The following FIP1L1 variants were observed in gnomAD, a reference collection of about 807,000 sequenced individuals.
FIP1L1 encodes the protein pre-mRNA 3'-end-processing factor FIP1.
In FIP1L1, 21 loss-of-function variants were observed where a neutral mutation model predicts 84.6. That is an observed-to-expected ratio of 0.25 (90% CI 0.18 to 0.36). FIP1L1 has a LOEUF of 0.36. Among genes scored for constraint, FIP1L1 ranks in the 10% least tolerant of loss-of-function variants. The pLI, the probability that FIP1L1 is intolerant of heterozygous loss-of-function variation, is 1.00. For synonymous variants in FIP1L1, 263 were observed against 242.3 expected (o/e 1.09, Z -0.80); for missense variants, 526 against 751.1 (o/e 0.70, Z 3.50).
intron 16 of FIP1L1, among the ~76,000 whole-genome samples, chr4:53,454,173 C>G (rs895023080): frequency 6.6e-6 from 1 of 152,194 alleles, no homozygotes; most frequent in African/African-American, 2.4e-5. Context: ...ACAGTGGTCT[C>G]ATAAGATTAC....
intron 5 of FIP1L1, among the ~76,000 whole-genome samples, chr4:53,385,405 C>T (rs1740413106): frequency 6.6e-6 from 1 of 151,970 alleles, no homozygotes; most frequent in Non-Finnish European, 1.5e-5. Flanking sequence ...TTTCTTATAG[C>T]AATTTTCAGT....
At chr4:53,414,007 G>A (rs908909830) in intron 10 of FIP1L1, among the ~76,000 whole-genome samples, 2 of 152,184 alleles carry the variant, frequency 1.3e-5, no homozygotes, top group East Asian at 1.9e-4. Flanking sequence ...CTTTGAAAGA[G>A]CATCTTATTA....
At chr4:53,398,436 A>G (rs1748554186) in intron 9 of FIP1L1, among the ~76,000 whole-genome samples, 1 of 152,222 alleles carries the variant, frequency 6.6e-6, no homozygotes, top group Non-Finnish European at 1.5e-5. Context: ...GCTCAAGTGT[A>G]AAAGAGTTTC....
At chr4:53,421,173 G>A (rs933486972) in intron 11 of FIP1L1, among the ~76,000 whole-genome samples, 3 of 152,164 alleles carry the variant, frequency 2.0e-5, no homozygotes, top group African/African-American at 7.2e-5. Flanking sequence ...CTACGGTTTT[G>A]AAGTAAAATG....
At chr4:53,420,137 G>A (rs1262021817) in intron 11 of FIP1L1, among the ~76,000 whole-genome samples, 4 of 134,154 alleles carry the variant, frequency 3.0e-5, no homozygotes, top group Non-Finnish European at 6.2e-5. Context: ...GGCGGAGCTT[G>A]CAGTGAGCTG....
At chr4:53,451,575 CTT>C (rs11371161) in intron 15 of FIP1L1, among the ~76,000 whole-genome samples, 4 of 139,480 alleles carry the variant, frequency 2.9e-5, no homozygotes, top group Admixed American at 7.1e-5. Flanking sequence ...TATACATTTT[CTT>C]TTTTTTTTTT....
chr4:53,382,892 C>T (rs1011280404), intron 4 of FIP1L1, among the ~76,000 whole-genome samples: 1 of 152,132 alleles, frequency 6.6e-6, no homozygotes. Context: ...CACAAAATAG[C>T]CTTTAAGAGC....
At chr4:53,393,767 C>G (rs1745670968) in intron 9 of FIP1L1, among the ~76,000 whole-genome samples, 1 of 2,044 alleles carries the variant, frequency 4.9e-4, no homozygotes. Flanking sequence ...CCCCCCGGCC[C>G]CCCCCCCCCC....
At chr4:53,388,179 G>A (rs538110790) in intron 5 of FIP1L1, among the ~76,000 whole-genome samples, 5 of 152,212 alleles carry the variant, frequency 3.3e-5, no homozygotes, top group Admixed American at 2.0e-4. Flanking sequence ...CTTAAATGTA[G>A]TACATCAGAG....
chr4:53,381,753 C>CTTTTGTTTTTTTTTTTTTTTTTTTTT (rs1738051287), intron 3 of FIP1L1, among the ~76,000 whole-genome samples: 1 of 87,948 alleles, frequency 1.1e-5, no homozygotes, highest in African/African-American at 5.6e-5. Flanking sequence ...CATTTGCATT[C>CTTTTGTTTTTTTTTTTTTTTTTTTTT]TTTTTTTTTT....
chr4:53,437,815 T>C (rs1035828492), intron 13 of FIP1L1, among the ~76,000 whole-genome samples: 9 of 152,082 alleles, frequency 5.9e-5, no homozygotes, highest in Admixed American at 2.0e-4. Context: ...AACCTCCGCC[T>C]CCTGGGTTCA....
At chr4:53,397,679 A>G (rs1448233804) in intron 9 of FIP1L1, among the ~76,000 whole-genome samples, 1 of 152,250 alleles carries the variant, frequency 6.6e-6, no homozygotes, top group Non-Finnish European at 1.5e-5. Flanking sequence ...GACAAACCTC[A>G]GAGTACTGCC....
At chr4:53,407,408 C>T (rs891369461) in intron 10 of FIP1L1, among the ~76,000 whole-genome samples, 1 of 152,164 alleles carries the variant, frequency 6.6e-6, no homozygotes, top group African/African-American at 2.4e-5. Context: ...TTTACATTTA[C>T]TGAGGAGAGC....
intron 13 of FIP1L1, among the ~76,000 whole-genome samples, chr4:53,437,326 C>CA (rs55957570): frequency 3.9e-4 from 25 of 64,504 alleles, no homozygotes; most frequent in Admixed American, 7.4e-4. Flanking sequence ...CTGTCTCAAC[C>CA]AAAAAAAAAA....
chr4:53,408,138 G>C (rs1199251627), intron 10 of FIP1L1, among the ~76,000 whole-genome samples: 1 of 152,162 alleles, frequency 6.6e-6, no homozygotes, highest in African/African-American at 2.4e-5. Flanking sequence ...GGTACTGGTT[G>C]TTCCTTTCCA....
intron 16 of FIP1L1, among the ~76,000 whole-genome samples, chr4:53,455,540 A>T (rs1718442906): frequency 1.3e-5 from 2 of 152,094 alleles, no homozygotes; most frequent in African/African-American, 4.8e-5. Flanking sequence ...AGATGACCTG[A>T]ACAGTGGATC....
rs77852342 is a variant in FIP1L1, at chr4:53,443,521, T to C, written c.1230-527T>C. Among the ~76,000 whole-genome samples the C allele has an allele frequency of 3.6e-3, 545 of 152,270 alleles. 2 individuals carry two copies. Among genetic ancestry groups the C allele is most frequent in the African/African-American group, 0.013 (521 of 41,574 alleles). ...GTAAAAAGGCAAAATATGTGAGAACTTTACATCAGTAGCATCAAACCCTGC... is the reference window on the plus strand; with the variant it reads ...GTAAAAAGGCAAAATATGTGAGAACCTTACATCAGTAGCATCAAACCCTGC... On this transcript the variant is annotated intron_variant, in intron 14 of 17. Coordinates refer to ENST00000337488, the MANE Select transcript of FIP1L1 (RefSeq NM_030917.4).
rs760370262 is a variant in FIP1L1, at chr4:53,399,871, A to G, written c.815+32A>G. On this transcript the variant is annotated intron_variant, in intron 10 of 17. Coordinates refer to ENST00000337488, the MANE Select transcript of FIP1L1 (RefSeq NM_030917.4). ...TACATAGTTATAACTCAATTACTGT[A>G]CGACATTGGTATCTTTACATTGTAT... 9 of 1,347,122 alleles carry G rather than the reference A, an allele frequency of 6.7e-6. No homozygotes were observed. In the East Asian group the frequency reaches 9.2e-5, roughly 14 times the overall value. 83.4% of individuals were successfully genotyped at this position (1,347,122 alleles called of 1,614,324 possible).
intron 9 of FIP1L1, among the ~76,000 whole-genome samples, chr4:53,396,084 G>T (rs1289618256): frequency 6.6e-6 from 1 of 151,736 alleles, no homozygotes; most frequent in African/African-American, 2.4e-5. Context: ...ACATCTGTAT[G>T]TTTTTTGTAT....
Sources: gnomAD v4.1 joint callset for allele counts (sites outside exome capture counted in the v4.1 genomes callset) on GRCh38, gnomAD v4.1.1 for gene constraint, MANE v1.5 for transcripts, NCBI Gene and HGNC (gene_info 2026-07-23, HGNC 2026-07-21) for gene names.